Variants in RAPGEF2 observed in about 807,000 individuals in gnomAD.
The protein encoded by RAPGEF2 is PDZ domain containing guanine nucleotide exchange factor (GEF) 1.
Under a neutral mutation model 186.7 loss-of-function variants are expected in RAPGEF2, and 54 were observed. That is an observed-to-expected ratio of 0.29 (90% CI 0.23 to 0.36). RAPGEF2 has a LOEUF of 0.36. Ranked by LOEUF, RAPGEF2 falls within the 10% of genes least tolerant of loss-of-function variation. The pLI is 1.00. For synonymous variants in RAPGEF2, 712 were observed against 705.9 expected, an observed-to-expected ratio of 1.01 and a Z score of -0.14; for missense variants, 1,532 against 2,045.0, an observed-to-expected ratio of 0.75 and a Z score of 4.84.
At chr4:159,330,202 T>A in intron 12 of RAPGEF2, 132 bp from the exon 13 acceptor site, 1 of 828,934 alleles carries the variant, frequency 1.2e-6, no homozygotes, top group African/African-American at 1.7e-5. Flanking sequence ...CAATTCATTT[T>A]ATGTTGAATG....
rs1479289936 is a variant in RAPGEF2 at position 159,332,649 on chromosome 4, A to G, written c.2087A>G (p.Lys696Arg). ...NTVGGRNKLK[K>R]ILDKTRISIL... ...GTGGGAGGAAGGAACAAGCTGAAAA[A>G]GATACTCGACAAGACTCGGATCAGT... The change falls in exon 17 of 30, where the codon AAG becomes AGG. Residue 696 changes from lysine (K) to arginine (R), a missense_variant. Around this residue, in one of 4 missense-constraint regions of RAPGEF2, gnomAD observed 810 missense variants for 1,210.5 expected, o/e 0.67. Coordinates refer to ENST00000691494, the MANE Select transcript of RAPGEF2 (RefSeq NM_001394067.2). 5 of 1,614,186 alleles carry G rather than the reference A, an allele frequency of 3.1e-6. No individual in the cohort carries two copies. Among genetic ancestry groups the G allele is most frequent in the Middle Eastern group, 1.7e-4 (1 of 6,060 alleles).
At chr4:159,207,671 A>G (rs1236627177) in intron 3 of RAPGEF2, among the ~76,000 whole-genome samples, 8 of 152,144 alleles carry the variant, frequency 5.3e-5, no homozygotes, top group Admixed American at 5.2e-4. Context: ...ATCTACCTTA[A>G]TTTCCTATTT....
intron 10 of RAPGEF2, among the ~76,000 whole-genome samples, chr4:159,323,162 A>G (rs1369481073): frequency 6.6e-6 from 1 of 152,250 alleles, no homozygotes; most frequent in Non-Finnish European, 1.5e-5. Flanking sequence ...CATTTTGTCT[A>G]CATGAGCTTT....
At chr4:159,325,946 TC>T (rs1294014276) in intron 11 of RAPGEF2, among the ~76,000 whole-genome samples, 10 of 152,232 alleles carry the variant, frequency 6.6e-5, no homozygotes, top group Non-Finnish European at 1.3e-4. Flanking sequence ...ATATATAGAC[TC>T]CTATATAGCT....
intron 4 of RAPGEF2, among the ~76,000 whole-genome samples, chr4:159,211,713 A>T (rs1272121363): frequency 6.6e-6 from 1 of 152,242 alleles, no homozygotes; most frequent in Non-Finnish European, 1.5e-5. Context: ...GGAGTGCCAG[A>T]GGCACGTTGC....
At chr4:159,119,598 T>C (rs1380508330) in intron 1 of RAPGEF2, among the ~76,000 whole-genome samples, 1 of 152,158 alleles carries the variant, frequency 6.6e-6, no homozygotes, top group Non-Finnish European at 1.5e-5. Flanking sequence ...AATTATAGAG[T>C]TATATTACTG....
At chr4:159,338,489 T>C (rs772229466) in intron 18 of RAPGEF2, 21 bp downstream of exon 18, 2 of 1,586,108 alleles carry the variant, frequency 1.3e-6, no homozygotes, top group African/African-American at 2.7e-5. Context: ...CCAACACTTC[T>C]TTTGTTTTCT....
chr4:159,232,623 C>G (rs1022025695), intron 4 of RAPGEF2, among the ~76,000 whole-genome samples: 2 of 152,096 alleles, frequency 1.3e-5, no homozygotes, highest in African/African-American at 4.8e-5. Flanking sequence ...AGTCCCTGCT[C>G]TCAGTTCTTT....
intron 1 of RAPGEF2, among the ~76,000 whole-genome samples, chr4:159,121,730 C>T (rs1169457800): frequency 6.6e-6 from 1 of 151,702 alleles, no homozygotes; most frequent in Non-Finnish European, 1.5e-5. Context: ...GCTACATAGC[C>T]TAGAAATGTA....
intron 29 of RAPGEF2, 128 bp downstream of exon 29, chr4:159,356,286 T>A: frequency 1.0e-6 from 1 of 989,152 alleles, no homozygotes; most frequent in Non-Finnish European, 1.5e-6. Flanking sequence ...CAAAGTACAC[T>A]ACATTCAGAG....
intron 2 of RAPGEF2, among the ~76,000 whole-genome samples, chr4:159,192,678 C>T (rs79983009): frequency 6.6e-6 from 1 of 152,180 alleles, no homozygotes; most frequent in South Asian, 2.1e-4. Context: ...GCTGAAGTAA[C>T]AAATCTTTAA....
chr4:159,169,639 C>A (rs1745694257), intron 1 of RAPGEF2, among the ~76,000 whole-genome samples: 1 of 149,978 alleles, frequency 6.7e-6, no homozygotes, highest in African/African-American at 2.4e-5. Context: ...CCTGTGAATT[C>A]AACTTCTCTA....
intron 8 of RAPGEF2, among the ~76,000 whole-genome samples, chr4:159,311,087 G>A (rs1026418939): frequency 6.6e-6 from 1 of 152,028 alleles, no homozygotes; most frequent in African/African-American, 2.4e-5. Flanking sequence ...CACAGTTACT[G>A]TGTTTTGTTT....
chr4:159,163,696 G>A (rs964446207), intron 1 of RAPGEF2, among the ~76,000 whole-genome samples: 2 of 152,150 alleles, frequency 1.3e-5, no homozygotes, highest in Non-Finnish European at 2.9e-5. Flanking sequence ...TAGTGTACTG[G>A]AAGAAAAGTT....
chr4:159,144,225 T>C (rs1177208452), intron 1 of RAPGEF2, among the ~76,000 whole-genome samples: 1 of 152,246 alleles, frequency 6.6e-6, no homozygotes, highest in African/African-American at 2.4e-5. Flanking sequence ...ACTGTCATCC[T>C]TCACATATCA....
rs1767793984 is a variant in RAPGEF2 at position 159,338,526 on chromosome 4, A to G, written c.2293+58A>G. 3.4e-6 allele frequency: 5 copies of G among 1,473,070 alleles called. No individual in the cohort carries two copies. The South Asian group carries it at 5.0e-5, about 15-fold the overall frequency. 91.2% of individuals were successfully genotyped at this position (1,473,070 alleles called of 1,614,324 possible). ...ATAGTTATCTTTTTATTTCTAACAT[A>G]ATGGTCATATTATATGTATCTCTCT... On this transcript the variant is annotated intron_variant, in intron 18 of 29. Transcript: ENST00000691494.
At chr4:159,111,427 T>A (rs1002923191) in intron 1 of RAPGEF2, among the ~76,000 whole-genome samples, 2 of 152,234 alleles carry the variant, frequency 1.3e-5, no homozygotes, top group Non-Finnish European at 2.9e-5. Flanking sequence ...AAAATGTACA[T>A]TTCGCTGCCA....
chr4:159,299,471 A>T (rs1762399850), intron 7 of RAPGEF2, among the ~76,000 whole-genome samples: 1 of 151,914 alleles, frequency 6.6e-6, no homozygotes, highest in South Asian at 2.1e-4. Context: ...CTCTGTTGAT[A>T]ATAAAATTCC....
intron 3 of RAPGEF2, among the ~76,000 whole-genome samples, chr4:159,209,282 A>G (rs1750285026): frequency 6.6e-6 from 1 of 152,238 alleles, no homozygotes; most frequent in African/African-American, 2.4e-5. Flanking sequence ...TTTACAAAAA[A>G]AAAATAGAAA....
Sources: gnomAD v4.1 joint callset for allele counts (sites outside exome capture counted in the v4.1 genomes callset) on GRCh38, gnomAD v4.1.1 for gene constraint, gnomAD v4.1.1 regional missense constraint, MANE v1.5 for transcripts, NCBI Gene and HGNC (gene_info 2026-07-23, HGNC 2026-07-21) for gene names.